TMEM123: variants seen among roughly 807,000 people sequenced by gnomAD.
TMEM123 encodes transmembrane protein 123.
TMEM123 carries 16 observed loss-of-function variants against 19.7 expected under a neutral mutation model. The observed-to-expected ratio is 0.81, with a 90% CI of 0.55 to 1.23. The LOEUF (loss-of-function observed/expected upper bound fraction) is 1.23, where lower values mean the gene tolerates loss of function less well. Ranked by LOEUF, TMEM123 falls within the 50% of genes most tolerant of loss-of-function variation. The probability of loss-of-function intolerance (pLI) is 0.00; values close to 1 mark genes in which losing one functional copy is unlikely to be tolerated. For missense variants in TMEM123, 313 were observed against 257.8 expected (o/e 1.21, Z -1.47); for synonymous variants, 118 against 99.4 (o/e 1.19, Z -1.12).
chr11:102,424,811 G>C (rs12272097), intron 2 of TMEM123, among the ~76,000 whole-genome samples: 1 of 152,068 alleles, frequency 6.6e-6, no homozygotes, highest in African/African-American at 2.4e-5. Flanking sequence ...AAAAGGGAGC[G>C]GGTCAAAGCT....
Position 102,452,631 on chromosome 11 carries a change from A to C in TMEM123, c.-8T>G, listed in dbSNP as rs1857956517. 6.6e-7 allele frequency: 1 copy of C among 1,522,466 alleles called. No individual in the cohort carries two copies. The highest frequency in any genetic ancestry group is 1.4e-5 in the African/African-American group (1 of 70,960). The allele number at this position is 1,522,466 out of a possible 1,614,324, so 94.3% of individuals were successfully genotyped here. A position where few individuals can be genotyped will look rare whatever the true frequency, so the allele number is the denominator to read the frequency against. Reference sequence around the variant, plus strand: ...TCGCGCGCCGAGTCCCATTGTTCCGAGGGCAGGATGCGGCAGCCTCGTGGG... The same window carrying C: ...TCGCGCGCCGAGTCCCATTGTTCCGCGGGCAGGATGCGGCAGCCTCGTGGG... On this transcript the variant is annotated 5_prime_UTR_variant, in exon 1 of 5. Transcript: ENST00000398136.
intron 2 of TMEM123, among the ~76,000 whole-genome samples, chr11:102,421,109 T>C (rs1360055753): frequency 2.0e-5 from 3 of 152,018 alleles, no homozygotes; most frequent in Non-Finnish European, 2.9e-5. Context: ...AATAACAACA[T>C]AAACAAGCTC....
At chr11:102,405,347 C>T (rs570738233) in intron 2 of TMEM123, among the ~76,000 whole-genome samples, 19 of 152,230 alleles carry the variant, frequency 1.2e-4, no homozygotes, top group Admixed American at 4.6e-4. Flanking sequence ...CCACCGTGCC[C>T]GGCCTGATCT....
At chr11:102,413,001 A>G (rs1233455357) in intron 2 of TMEM123, among the ~76,000 whole-genome samples, 1 of 152,204 alleles carries the variant, frequency 6.6e-6, no homozygotes, top group Non-Finnish European at 1.5e-5. Flanking sequence ...AAATTAATTT[A>G]AAAATATTTT....
chr11:102,447,801 A>T (rs1857899647), intron 2 of TMEM123, among the ~76,000 whole-genome samples: 1 of 152,208 alleles, frequency 6.6e-6, no homozygotes, highest in African/African-American at 2.4e-5. Flanking sequence ...ACGTACCACC[A>T]GACACCAGTC....
Position 102,401,582 on chromosome 11 carries a change from A to G in TMEM123, c.559T>C (p.Cys187Arg), listed in dbSNP as rs1231119310. ...CCTCTTCTTGAGTAATACATTTTGCATCCAATGTAAAGAATAGATAAAACT... is the reference window on the plus strand; with the variant it reads ...CCTCTTCTTGAGTAATACATTTTGCGTCCAATGTAAAGAATAGATAAAACT... The part of the protein sequence containing the change: ...LGVLSILYIG[C>R]KMYYSRRGIR... The change falls in exon 4 of 5, where the codon TGC (cysteine) becomes CGC (arginine). Residue 187 changes from cysteine to arginine, a missense_variant. Cys to Arg is a radical substitution (Grantham distance 180). Transcript: ENST00000398136. The G allele has an allele frequency of 2.5e-6, 4 of 1,599,112 alleles. No individual in the cohort carries two copies. The highest frequency in any genetic ancestry group is 3.4e-6 in the Non-Finnish European group (4 of 1,176,522).
intron 2 of TMEM123, among the ~76,000 whole-genome samples, chr11:102,406,210 AAGGTTG>A (rs1951954517): frequency 6.6e-6 from 1 of 152,170 alleles, no homozygotes; most frequent in African/African-American, 2.4e-5. Context: ...CCGATAAGCT[AAGGTTG>A]AAGAATCTGA....
chr11:102,417,041 A>C (rs11822604), intron 2 of TMEM123, among the ~76,000 whole-genome samples: 65 of 152,306 alleles, frequency 4.3e-4, no homozygotes, highest in African/African-American at 1.5e-3. Flanking sequence ...CATCATACTG[A>C]GTGGCCAAAA....
intron 2 of TMEM123, among the ~76,000 whole-genome samples, chr11:102,415,145 CATATAA>C (rs1465736941): frequency 6.6e-6 from 1 of 152,150 alleles, no homozygotes; most frequent in African/African-American, 2.4e-5. Context: ...TTAACTATCC[CATATAA>C]ATATACACTC....
intron 1 of TMEM123, 33 bp downstream of exon 1, chr11:102,452,491 C>T (rs557402492): frequency 1.4e-6 from 2 of 1,445,680 alleles, no homozygotes; most frequent in African/African-American, 2.9e-5. Context: ...CTGCCTCCCA[C>T]GAACGGGGCT....
chr11:102,439,830 A>G (rs987785355), intron 2 of TMEM123, among the ~76,000 whole-genome samples: 1 of 152,212 alleles, frequency 6.6e-6, no homozygotes, highest in Admixed American at 6.5e-5. Context: ...ATGGCTAACT[A>G]GAATAAATAG....
intron 1 of TMEM123, among the ~76,000 whole-genome samples, chr11:102,451,688 A>G (rs2135869430): frequency 6.6e-6 from 1 of 152,362 alleles, no homozygotes; most frequent in African/African-American, 2.4e-5. Flanking sequence ...ACAAATCCCA[A>G]CTTCCTGGTT....
chr11:102,416,764 A>T (rs113763463), intron 2 of TMEM123, among the ~76,000 whole-genome samples: 2 of 152,156 alleles, frequency 1.3e-5, no homozygotes, highest in African/African-American at 4.8e-5. Flanking sequence ...ATACTAGCAA[A>T]CTGATCCACC....
intron 1 of TMEM123, among the ~76,000 whole-genome samples, chr11:102,450,391 G>A (rs1222639673): frequency 6.6e-6 from 1 of 152,042 alleles, no homozygotes; most frequent in Non-Finnish European, 1.5e-5. Flanking sequence ...ACTAACAGCC[G>A]CCCCTCCCAT....
In TMEM123 at chr11:102,398,894, G is replaced by A. The variant is rs758093068; in HGVS notation, c.603-3C>T. On this transcript the variant is annotated splice_polypyrimidine_tract_variant and splice_region_variant and intron_variant, in intron 4 of 4. Coordinates refer to ENST00000398136, the MANE Select transcript of TMEM123 (RefSeq NM_052932.3). ...AAATGATGGCATCATGTTCATCTCT[G>A]TAATATATTAAAAGTTACAATTACT... 1.0e-4 allele frequency: 166 copies of A among 1,608,376 alleles called. No individual in the cohort carries two copies. Among genetic ancestry groups the A allele is most frequent in the Non-Finnish European group, 1.4e-4 (164 of 1,178,056 alleles).
chr11:102,409,414 G>GT (rs1485717414), intron 2 of TMEM123, among the ~76,000 whole-genome samples: 1 of 152,118 alleles, frequency 6.6e-6, no homozygotes, highest in African/African-American at 2.4e-5. Context: ...AAATATCAGT[G>GT]TAATTCCAGA....
chr11:102,420,864 A>G (rs1446341610), intron 2 of TMEM123, among the ~76,000 whole-genome samples: 1 of 152,170 alleles, frequency 6.6e-6, no homozygotes, highest in East Asian at 1.9e-4. Flanking sequence ...CCTGGCCAAC[A>G]TGGTGAAACC....
intron 2 of TMEM123, among the ~76,000 whole-genome samples, chr11:102,437,353 G>C (rs1281966202): frequency 2.6e-5 from 4 of 151,910 alleles, no homozygotes; most frequent in Non-Finnish European, 5.9e-5. Flanking sequence ...CAGCTACTTG[G>C]GAGGCTGAGG....
chr11:102,421,895 T>G (rs1713533703), intron 2 of TMEM123, among the ~76,000 whole-genome samples: 1 of 152,188 alleles, frequency 6.6e-6, no homozygotes, highest in Non-Finnish European at 1.5e-5. Context: ...CCTCCCAATT[T>G]GCAGATGAGA....
Sources: gnomAD v4.1 joint callset for allele counts (sites outside exome capture counted in the v4.1 genomes callset) on GRCh38, gnomAD v4.1.1 for gene constraint, MANE v1.5 for transcripts, NCBI Gene and HGNC (gene_info 2026-07-23, HGNC 2026-07-21) for gene names.